PBX1: variants seen among roughly 807,000 people sequenced by gnomAD.
The protein encoded by PBX1 is pre-B-cell leukemia transcription factor 1.
A neutral mutation model predicts 53.4 loss-of-function variants in PBX1; 6 were observed. The observed-to-expected ratio is 0.11, with a 90% CI of 0.06 to 0.22. The LOEUF is 0.22. Ranked by LOEUF, PBX1 falls within the 10% of genes least tolerant of loss-of-function variation. The pLI is 1.00. For synonymous variants in PBX1, 204 were observed against 212.3 expected (o/e 0.96, Z 0.34); for missense variants, 251 against 551.4 (o/e 0.46, Z 5.46).
At chr1:164,597,637 A>C (rs1655861206) in intron 2 of PBX1, among the ~76,000 whole-genome samples, 1 of 152,050 alleles carries the variant, frequency 6.6e-6, no homozygotes. Flanking sequence ...CCTGGTATGT[A>C]CTTTTTCTCC....
At chr1:164,874,395 T>G (rs964587891) in intron 2 of PBX1, among the ~76,000 whole-genome samples, 3 of 152,246 alleles carry the variant, frequency 2.0e-5, no homozygotes, top group Non-Finnish European at 4.4e-5. Context: ...ATGATGTTAT[T>G]TAACTATATG....
chr1:164,597,433 T>C (rs937710152), intron 2 of PBX1, among the ~76,000 whole-genome samples: 1 of 152,160 alleles, frequency 6.6e-6, no homozygotes, highest in African/African-American at 2.4e-5. Flanking sequence ...CGTGGAACTA[T>C]CTAGTTTTCT....
chr1:164,628,257 A>G (rs1658179508), intron 2 of PBX1, among the ~76,000 whole-genome samples: 1 of 152,226 alleles, frequency 6.6e-6, no homozygotes, highest in Non-Finnish European at 1.5e-5. Context: ...GAGACTATAA[A>G]TCAGTTTACA....
intron 2 of PBX1, among the ~76,000 whole-genome samples, chr1:164,686,325 A>G (rs779080717): frequency 6.6e-6 from 1 of 152,130 alleles, no homozygotes; most frequent in South Asian, 2.1e-4. Flanking sequence ...TGCTGTGTCA[A>G]ATATCAACAT....
rs1293159451 is a variant in PBX1 at position 164,851,344 on chromosome 1, G to A, written c.*4668G>A. 7 of 206,356 alleles carry A rather than the reference G, an allele frequency of 3.4e-5. No individual in the cohort carries two copies. Among genetic ancestry groups the A allele is most frequent in the Non-Finnish European group, 5.9e-5 (6 of 101,038 alleles). The allele number at this position is 206,356 out of a possible 1,614,324, so 12.8% of individuals were successfully genotyped here. A position where few individuals can be genotyped will look rare whatever the true frequency, so the allele number is the denominator to read the frequency against. The stretch of plus-strand genomic sequence containing the variant: ...GCAGAATTGTGGAGCAATGCTTTAG[G>A]AAATATTTCTACCTGAACACTTGTA... On this transcript the variant is annotated 3_prime_UTR_variant, in exon 9 of 9. Transcript: ENST00000420696.
At chr1:164,580,701 C>T (rs527826207) in intron 2 of PBX1, among the ~76,000 whole-genome samples, 8 of 152,090 alleles carry the variant, frequency 5.3e-5, no homozygotes, top group African/African-American at 9.7e-5. Context: ...CTCAGCCTCC[C>T]GAGTAGCTGG....
chr1:164,856,235 T>C (rs533198892), downstream of PBX1, among the ~76,000 whole-genome samples: 1 of 152,296 alleles, frequency 6.6e-6, no homozygotes, highest in East Asian at 1.9e-4. Flanking sequence ...AGGCCTTGAA[T>C]AACTGGTGCT....
At chr1:164,801,702 G>T (rs1669083093) in intron 4 of PBX1, among the ~76,000 whole-genome samples, 1 of 152,118 alleles carries the variant, frequency 6.6e-6, no homozygotes, top group Non-Finnish European at 1.5e-5. Context: ...TTAAGACAGG[G>T]TCTTTTTCTT....
chr1:164,835,715 C>G (rs1471381377), intron 8 of PBX1, among the ~76,000 whole-genome samples: 1 of 152,088 alleles, frequency 6.6e-6, no homozygotes. Flanking sequence ...AGAGGAAATT[C>G]TATTTCTGAG....
chr1:164,623,388 C>A (rs533816512), intron 2 of PBX1, among the ~76,000 whole-genome samples: 1 of 152,260 alleles, frequency 6.6e-6, no homozygotes, highest in South Asian at 2.1e-4. Context: ...CCGTGTGCAC[C>A]ATGTGTTAGG....
chr1:164,681,162 T>C (rs1661748440), intron 2 of PBX1, among the ~76,000 whole-genome samples: 1 of 152,164 alleles, frequency 6.6e-6, no homozygotes, highest in South Asian at 2.1e-4. Context: ...GAAGGATTGC[T>C]TGGGCCCAGG....
intron 2 of PBX1, among the ~76,000 whole-genome samples, chr1:164,876,638 G>A (rs563776007): frequency 9.9e-5 from 15 of 152,148 alleles, no homozygotes; most frequent in African/African-American, 3.6e-4. Flanking sequence ...TATCCTCCAG[G>A]CCAGCACATT....
chr1:164,588,844 G>C (rs973092756), intron 2 of PBX1, among the ~76,000 whole-genome samples: 2 of 152,004 alleles, frequency 1.3e-5, no homozygotes, highest in Non-Finnish European at 2.9e-5. Context: ...CCCCCACCAT[G>C]CCCTCCTTTT....
chr1:164,880,147 A>G (rs1672612420), intron 2 of PBX1, among the ~76,000 whole-genome samples: 1 of 152,144 alleles, frequency 6.6e-6, no homozygotes, highest in African/African-American at 2.4e-5. Context: ...TGCACCTTAA[A>G]CTATACCTAC....
In PBX1 at chr1:164,674,847, G is replaced by GCCCCCCCC. The variant is rs78130048; in HGVS notation, c.265+111544_265+111551dup. The GCCCCCCCC allele has an allele frequency of 5.7e-4, 23 of 40,704 alleles. 2 individuals are homozygous for GCCCCCCCC. The highest frequency in any genetic ancestry group is 1.4e-3 in the South Asian group (1 of 736). The allele number at this position is 40,704 out of a possible 1,614,324, so 2.5% of individuals were successfully genotyped here. ...TATTTAGTTAGAGGAAGAAATCACA[G>GCCCCCCCC]CCCCCCCCCCCCCCCACCCACCACC... On this transcript the variant is annotated intron_variant, in intron 2 of 8. Transcript: ENST00000420696.
At chr1:164,612,252 T>TTTC (rs1656984273) in intron 2 of PBX1, among the ~76,000 whole-genome samples, 1 of 152,162 alleles carries the variant, frequency 6.6e-6, no homozygotes, top group Non-Finnish European at 1.5e-5. Flanking sequence ...AACACCCTTG[T>TTTC]AGAAGCAGGC....
In PBX1 at chr1:164,848,746, A is replaced by G. The variant is rs970975547; in HGVS notation, c.*2070A>G. 3 of 1,059,078 alleles carry G rather than the reference A, an allele frequency of 2.8e-6. No homozygotes were observed. Among genetic ancestry groups the G allele is most frequent in the African/African-American group, 3.3e-5 (2 of 60,740 alleles). The allele number at this position is 1,059,078 out of a possible 1,614,324, so 65.6% of individuals were successfully genotyped here. ...ACTGCTTGGGAGGCTTCCAGGGAGA[A>G]GTATGAGACCCTGAGGGGTGAGAAT... is the stretch of plus-strand genomic sequence containing the variant. On this transcript the variant is annotated 3_prime_UTR_variant, in exon 9 of 9. Coordinates refer to ENST00000420696, the MANE Select transcript of PBX1 (RefSeq NM_002585.4).
At chr1:164,596,502 T>C (rs10918050) in intron 2 of PBX1, among the ~76,000 whole-genome samples, 45,385 of 152,190 alleles carry the variant, frequency 0.3, 7,121 homozygotes, top group Middle Eastern at 0.35. Context: ...CTGGGGACAT[T>C]ACTGGTTTGT....
chr1:164,849,069 A>T lies in PBX1; in HGVS notation c.*2393A>T. 2 of 1,296,914 alleles carry T rather than the reference A, an allele frequency of 1.5e-6. No individual in the cohort carries two copies. Among genetic ancestry groups the T allele is most frequent in the East Asian group, 6.2e-5 (2 of 32,348 alleles). 80.3% of individuals were successfully genotyped at this position (1,296,914 alleles called of 1,614,324 possible). A position where few individuals can be genotyped will look rare whatever the true frequency, so the allele number is the denominator to read the frequency against. On this transcript the variant is annotated 3_prime_UTR_variant, in exon 9 of 9. Coordinates refer to ENST00000420696, the MANE Select transcript of PBX1 (RefSeq NM_002585.4). Reference sequence around the variant, plus strand: ...GGAGAACTCCATCTTAGTGGCAGGAATATAATGAAACTACCCACGCAAGAA... The same window carrying T: ...GGAGAACTCCATCTTAGTGGCAGGATTATAATGAAACTACCCACGCAAGAA...
Sources: gnomAD v4.1 joint callset for allele counts (sites outside exome capture counted in the v4.1 genomes callset) on GRCh38, gnomAD v4.1.1 for gene constraint, MANE v1.5 for transcripts, NCBI Gene and HGNC (gene_info 2026-07-23, HGNC 2026-07-21) for gene names.